PUDP: variants seen among roughly 807,000 people sequenced by gnomAD.
PUDP encodes the protein pseudouridine-5'-phosphatase.
In PUDP, 8 loss-of-function variants were observed where a neutral mutation model predicts 9.4. The observed-to-expected ratio is 0.85, with a 90% CI of 0.50 to 1.53. The LOEUF is 1.53. Ranked by LOEUF, PUDP falls within the 40% of genes most tolerant of loss-of-function variation. The pLI, the probability that PUDP is intolerant of heterozygous loss-of-function variation, is 0.00. For synonymous variants in PUDP, 99 were observed against 80.7 expected (o/e 1.23, Z -1.22); for missense variants, 188 against 189.7 (o/e 0.99, Z 0.05).
At chrX:6,744,116 G>T (rs1288245509) in intron 3 of PUDP, among the ~76,000 whole-genome samples, 2 of 111,751 alleles carry the variant, frequency 1.8e-5, no homozygotes, top group Non-Finnish European at 3.8e-5. Flanking sequence ...CTATTTGGAA[G>T]AATTAGTAAC....
chrX:7,010,659 C>T (rs1305167179), intron 1 of PUDP, among the ~76,000 whole-genome samples: 1 of 111,708 alleles, frequency 9.0e-6, no homozygotes, highest in African/African-American at 3.3e-5. Context: ...GCCTGGGGAA[C>T]TATAAAAGAT....
At chrX:7,057,233 TG>T (rs1215760539) in intron 3 of PUDP, among the ~76,000 whole-genome samples, 1 of 112,226 alleles carries the variant, frequency 8.9e-6, no homozygotes, top group Admixed American at 9.4e-5. Context: ...TATCTTTGTC[TG>T]ACAGCAGCAG....
chrX:6,997,281 G>A (rs1383534365), intron 1 of PUDP, among the ~76,000 whole-genome samples: 1 of 112,137 alleles, frequency 8.9e-6, no homozygotes, highest in Non-Finnish European at 1.9e-5. Flanking sequence ...AGGGAGTACT[G>A]CAAATTCTAG....
At chrX:6,722,080 G>C (rs902378046), upstream of PUDP, among the ~76,000 whole-genome samples, 3 of 109,903 alleles carry the variant, frequency 2.7e-5, no homozygotes, top group Non-Finnish European at 3.8e-5. Context: ...GTGTAGAAAT[G>C]GGGGGAGAGG....
intron 3 of PUDP, among the ~76,000 whole-genome samples, chrX:6,747,296 G>A (rs1258726164): frequency 2.7e-5 from 3 of 111,717 alleles, no homozygotes; most frequent in East Asian, 2.8e-4. Flanking sequence ...GGAAGCACAC[G>A]AGCCATGGTT....
intron 2 of PUDP, chrX:7,085,469 GC>G (rs1283777306): frequency 8.9e-6 from 1 of 112,007 alleles, no homozygotes; most frequent in Non-Finnish European, 1.9e-5. Context: ...AAGAGCTGAT[GC>G]CCTGAGAGAG....
intron 1 of PUDP, among the ~76,000 whole-genome samples, chrX:7,003,720 G>C (rs1929361483): frequency 8.9e-6 from 1 of 111,754 alleles, no homozygotes; most frequent in Admixed American, 9.5e-5. Context: ...TGAGTTTTTT[G>C]AAAGGGGGAC....
intron 1 of PUDP, among the ~76,000 whole-genome samples, chrX:7,043,854 C>T (rs748701512): frequency 1.8e-5 from 2 of 111,741 alleles, no homozygotes; most frequent in South Asian, 3.7e-4. Context: ...GGATATAACA[C>T]CTCGGATCTT....
rs778274732 is a variant in PUDP at position 6,773,820 on chromosome X, C to T, written c.*248-67354G>A. 2.7e-5 allele frequency among the ~76,000 whole-genome samples: 3 copies of T among 111,763 alleles called. No individual in the cohort carries two copies. The East Asian group carries it at 8.5e-4, about 32-fold the overall frequency. On this transcript the variant is annotated intron_variant and NMD_transcript_variant, in intron 3 of 3. Coordinates refer to the PUDP transcript ENST00000655425. ...CCTTCCCTAGAAATTTCTGCACAAACTGCCCCTTAATCTGCAGGAAATTAA... is the reference window on the plus strand; with the variant it reads ...CCTTCCCTAGAAATTTCTGCACAAATTGCCCCTTAATCTGCAGGAAATTAA...
At chrX:7,058,959 C>T (rs187904546) in intron 3 of PUDP, among the ~76,000 whole-genome samples, 2 of 111,173 alleles carry the variant, frequency 1.8e-5, no homozygotes, top group Admixed American at 9.6e-5. Context: ...CCTTGTGCAC[C>T]GCAGAGCTAC....
rs141582485 is a variant in PUDP, at chrX:7,038,529, G to C, written c.204+38691C>G. 6.7e-3 allele frequency among the ~76,000 whole-genome samples: 743 copies of C among 110,799 alleles called. 9 individuals are homozygous for C. The highest frequency in any genetic ancestry group is 0.023 in the African/African-American group (699 of 30,389). The stretch of plus-strand genomic sequence containing the variant: ...TCTGAGAGATTACAGAAAGACACTA[G>C]TTTTGATACCTCTTGCTTGTAGCAT... On this transcript the variant is annotated intron_variant and NMD_transcript_variant, in intron 1 of 3. Coordinates refer to the PUDP transcript ENST00000655425.
At chrX:6,981,976 GACACAC>G (rs749042919) in intron 1 of PUDP, among the ~76,000 whole-genome samples, 1 of 98,536 alleles carries the variant, frequency 1.0e-5, no homozygotes, top group African/African-American at 3.7e-5. Context: ...AGGACTTACA[GACACAC>G]ACACACACAC....
chrX:7,047,999 A>G (rs1378240662), downstream of PUDP, among the ~76,000 whole-genome samples: 1 of 112,141 alleles, frequency 8.9e-6, no homozygotes, highest in East Asian at 2.8e-4. Context: ...TATTCCTTAG[A>G]ATGCCGATTC....
chrX:7,028,872 C>T (rs1316759851), intron 1 of PUDP, among the ~76,000 whole-genome samples: 3 of 111,667 alleles, frequency 2.7e-5, no homozygotes, highest in Non-Finnish European at 5.7e-5. Flanking sequence ...GGGCTGGTTC[C>T]TCCTGAGGCC....
chrX:6,724,501 C>CAAAA (rs1170392595), upstream of PUDP, among the ~76,000 whole-genome samples: 4 of 45,470 alleles, frequency 8.8e-5, no homozygotes, highest in East Asian at 8.2e-4. Context: ...ATTCTCTCTC[C>CAAAA]AAAAAAAAAA....
intron 1 of PUDP, among the ~76,000 whole-genome samples, chrX:6,978,397 T>A (rs962918476): frequency 2.7e-5 from 3 of 112,280 alleles, no homozygotes; most frequent in African/African-American, 9.7e-5. Context: ...ATGTAAACAC[T>A]ATTTGTATTC....
intron 3 of PUDP, among the ~76,000 whole-genome samples, chrX:6,884,837 G>A (rs774575991): frequency 5.3e-4 from 59 of 112,371 alleles, no homozygotes; most frequent in Middle Eastern, 9.1e-3. Context: ...ACTTTGAAAG[G>A]AATAAGGGTT....
At chrX:6,964,789 C>T (rs1199750777) in intron 3 of PUDP, among the ~76,000 whole-genome samples, 7 of 111,868 alleles carry the variant, frequency 6.3e-5, no homozygotes, top group Non-Finnish European at 9.4e-5. Context: ...AAATAAGATA[C>T]GATCCTTTCC....
At chrX:7,122,746 A>G (rs1480066069) in intron 1 of PUDP, among the ~76,000 whole-genome samples, 4 of 111,745 alleles carry the variant, frequency 3.6e-5, no homozygotes. Context: ...ACCCGATTAC[A>G]TGCACCTTTC....
Sources: gnomAD v4.1 joint callset for allele counts (sites outside exome capture counted in the v4.1 genomes callset) on GRCh38, gnomAD v4.1.1 for gene constraint, MANE v1.5 for transcripts, NCBI Gene and HGNC (gene_info 2026-07-23, HGNC 2026-07-21) for gene names.